Variants in NOXRED1 observed in about 807,000 individuals in gnomAD.
NOXRED1 encodes NADP-dependent oxidoreductase domain-containing protein 1.
Under a neutral mutation model 30.4 loss-of-function variants are expected in NOXRED1, and 20 were observed. The ratio of observed to expected loss-of-function variants is 0.66; its 90% CI spans 0.46 to 0.96. The LOEUF is 0.96. Ranked by LOEUF, NOXRED1 falls within the 40% of genes least tolerant of loss-of-function variation. NOXRED1 has a pLI of 0.00. For missense variants in NOXRED1, 374 were observed against 428.0 expected (o/e 0.87, Z 1.11); for synonymous variants, 155 against 168.0 (o/e 0.92, Z 0.60).
chr14:77,420,376 TTG>T (rs1894958322), intron 1 of NOXRED1, among the ~76,000 whole-genome samples: 2 of 150,382 alleles, frequency 1.3e-5, no homozygotes, highest in African/African-American at 2.5e-5. Flanking sequence ...CAGTTTTTTT[TTG>T]TTTTGTTTTG....
At chr14:77,414,439 A>C (rs1894759538) in intron 1 of NOXRED1, among the ~76,000 whole-genome samples, 1 of 152,106 alleles carries the variant, frequency 6.6e-6, no homozygotes, top group Admixed American at 6.5e-5. Context: ...TTGGCCTCCC[A>C]AAGTGCTGGG....
intron 2 of NOXRED1, among the ~76,000 whole-genome samples, chr14:77,411,028 C>T (rs1894634773): frequency 6.6e-6 from 1 of 152,114 alleles, no homozygotes; most frequent in South Asian, 2.1e-4. Flanking sequence ...CCTACATGAA[C>T]ACTTATATAC....
chr14:77,421,333 T>C (rs986376695), intron 1 of NOXRED1, among the ~76,000 whole-genome samples: 2 of 152,198 alleles, frequency 1.3e-5, no homozygotes, highest in Non-Finnish European at 2.9e-5. Flanking sequence ...GTTAAGTTAG[T>C]GTCTCGAGGT....
intron 1 of NOXRED1, among the ~76,000 whole-genome samples, chr14:77,418,367 A>C (rs1894889918): frequency 6.6e-6 from 1 of 151,990 alleles, no homozygotes; most frequent in Non-Finnish European, 1.5e-5. Context: ...AACTTCTGGA[A>C]TCAAGCGATC....
intron 5 of NOXRED1, among the ~76,000 whole-genome samples, chr14:77,396,334 C>G (rs892566310): frequency 4.9e-5 from 5 of 101,846 alleles, no homozygotes; most frequent in Admixed American, 9.2e-5. Flanking sequence ...ACCACAACCT[C>G]CGCCTCCTGG....
At chr14:77,422,274 A>G (rs1048901326) in intron 1 of NOXRED1, among the ~76,000 whole-genome samples, 1 of 152,226 alleles carries the variant, frequency 6.6e-6, no homozygotes, top group African/African-American at 2.4e-5. Flanking sequence ...CTGCAAATCA[A>G]TATTCCTGGT....
At chr14:77,406,678 G>T (rs1894474394) in intron 4 of NOXRED1, 46 bp downstream of exon 4, 1 of 1,576,866 alleles carries the variant, frequency 6.3e-7, no homozygotes, top group Admixed American at 1.7e-5. Flanking sequence ...TGGGCCAACA[G>T]GAAAGTAATT....
chr14:77,399,423 C>G (rs1275656801), intron 5 of NOXRED1, among the ~76,000 whole-genome samples: 1 of 152,136 alleles, frequency 6.6e-6, no homozygotes, highest in East Asian at 1.9e-4. Flanking sequence ...GCACTCCGGC[C>G]TGGGTAACAA....
At chr14:77,396,281 C>T (rs909570956) in intron 5 of NOXRED1, among the ~76,000 whole-genome samples, 2 of 142,592 alleles carry the variant, frequency 1.4e-5, no homozygotes, top group East Asian at 2.0e-4. Context: ...TGGAGTTTCG[C>T]TCTTGTTGCC....
At chr14:77,408,425 G>GACTC (rs1441751398) in intron 2 of NOXRED1, among the ~76,000 whole-genome samples, 1 of 151,450 alleles carries the variant, frequency 6.6e-6, no homozygotes, top group African/African-American at 2.4e-5. Flanking sequence ...CAAACCCCAG[G>GACTC]ACTCAAGTGA....
chr14:77,417,240 T>C (rs189184517), intron 1 of NOXRED1, among the ~76,000 whole-genome samples: 12 of 152,320 alleles, frequency 7.9e-5, no homozygotes, highest in African/African-American at 2.6e-4. Flanking sequence ...AAATGTTCCA[T>C]GTGCACTTGA....
At chr14:77,397,583 A>T (rs1264980320) in intron 5 of NOXRED1, among the ~76,000 whole-genome samples, 4 of 152,136 alleles carry the variant, frequency 2.6e-5, no homozygotes, top group African/African-American at 9.7e-5. Flanking sequence ...ATTTATCTCA[A>T]AATAAAGAAA....
Position 77,398,107 on chromosome 14 carries a change from C to G in NOXRED1, c.906-3302G>C, listed in dbSNP as rs139019171. ...GCTTGCTGGAGGAGAAACCCATGAG[C>G]TGAAACCTCTATGGGAACCCAGTGC... On this transcript the variant is annotated intron_variant, in intron 5 of 5. Transcript: ENST00000380835. 3.1e-3 allele frequency among the ~76,000 whole-genome samples: 466 copies of G among 152,236 alleles called. 3 individuals are homozygous for G. Among genetic ancestry groups the G allele is most frequent in the African/African-American group, 0.011 (445 of 41,536 alleles).
intron 5 of NOXRED1, among the ~76,000 whole-genome samples, chr14:77,403,650 C>A (rs892443152): frequency 1.3e-5 from 2 of 151,738 alleles, no homozygotes; most frequent in Non-Finnish European, 1.5e-5. Context: ...AGAGTAAGAC[C>A]CTCTATCAAA....
intron 1 of NOXRED1, among the ~76,000 whole-genome samples, chr14:77,418,521 T>C (rs1894895320): frequency 6.6e-6 from 1 of 151,686 alleles, no homozygotes. Flanking sequence ...ATTTACATTT[T>C]TATATACATT....
At chr14:77,416,870 C>A (rs868484550) in intron 1 of NOXRED1, among the ~76,000 whole-genome samples, 1 of 150,042 alleles carries the variant, frequency 6.7e-6, no homozygotes, top group African/African-American at 2.5e-5. Flanking sequence ...GGCGGCTGGC[C>A]GGGCAGAGGG....
chr14:77,416,805 G>A (rs1251824244), intron 1 of NOXRED1, among the ~76,000 whole-genome samples: 7 of 151,462 alleles, frequency 4.6e-5, no homozygotes, highest in South Asian at 2.1e-4. Context: ...CTCACCTCCC[G>A]GACAGGGCGG....
In NOXRED1 at chr14:77,394,677, A is replaced by G. The variant is rs777130059; in HGVS notation, c.1034T>C (p.Leu345Pro). Residue 345 changes from leucine to proline, a missense_variant, in exon 6 of 6, where the codon CTA (leucine) becomes CCA (proline). Physicochemically the swap from Leu to Pro is moderately conservative, Grantham distance 98. Coordinates refer to ENST00000380835, the MANE Select transcript of NOXRED1 (RefSeq NM_001113475.3). ...HLYCASFGIS[L>P]TKEQPVISTG... ...GGAAATGACTGGCTGTTCTTTGGTTAGGGAGATGCCAAATGAAGCACAGTA... is the reference window on the plus strand; with the variant it reads ...GGAAATGACTGGCTGTTCTTTGGTTGGGGAGATGCCAAATGAAGCACAGTA... The G allele has an allele frequency of 1.9e-6, 3 of 1,613,494 alleles. No homozygotes were observed. The South Asian group carries it at 3.3e-5, about 18-fold the overall frequency.
intron 2 of NOXRED1, among the ~76,000 whole-genome samples, chr14:77,410,652 AAAGT>A (rs993125601): frequency 4.0e-4 from 61 of 152,216 alleles, no homozygotes; most frequent in Admixed American, 2.4e-3. Context: ...ATACATAAAT[AAAGT>A]AAGTAAGAAA....
Sources: gnomAD v4.1 joint callset for allele counts (sites outside exome capture counted in the v4.1 genomes callset) on GRCh38, gnomAD v4.1.1 for gene constraint, MANE v1.5 for transcripts, NCBI Gene and HGNC (gene_info 2026-07-23, HGNC 2026-07-21) for gene names.